DLGAP1: variants seen among roughly 807,000 people sequenced by gnomAD.
DLGAP1 encodes DLG associated protein 1.
In DLGAP1, 11 loss-of-function variants were observed where a neutral mutation model predicts 90.8. The observed-to-expected ratio is 0.12, with a 90% CI of 0.08 to 0.20. DLGAP1 has a LOEUF of 0.20. Among genes scored for constraint, DLGAP1 ranks in the 10% least tolerant of loss-of-function variants. The pLI, the probability that DLGAP1 is intolerant of heterozygous loss-of-function variation, is 1.00. For synonymous variants in DLGAP1, 558 were observed against 540.7 expected (o/e 1.03, Z -0.44); for missense variants, 1,050 against 1,333.8 (o/e 0.79, Z 3.31).
rs2071095645 is a variant in DLGAP1 at position 3,879,593 on chromosome 18, G to A, written c.476C>T (p.Ser159Phe). 6.2e-7 allele frequency: 1 copy of A among 1,601,336 alleles called. No homozygotes were observed. Among genetic ancestry groups the A allele is most frequent in the Non-Finnish European group, 8.5e-7 (1 of 1,177,888 alleles). Reference protein sequence around the residue: ...FTKSHSLEGPSKGSVNGGKAS... With the variant: ...FTKSHSLEGPFKGSVNGGKAS... ...CTTGCCCCCGTTGACGCTGCCCTTG[G>A]ACGGCCCCTCCAGGGAGTGCGACTT... is the stretch of plus-strand genomic sequence containing the variant. The change falls in exon 4 of 13, where the codon TCC becomes TTC. Residue 159 changes from serine (S) to phenylalanine (F), a missense_variant. Transcript: ENST00000315677. The surrounding 1 kb of genome is among the most constrained non-coding windows in gnomAD (Gnocchi z 6.6).
chr18:4,325,634 C>G (rs2080800962), intron 1 of DLGAP1, among the ~76,000 whole-genome samples: 1 of 152,040 alleles, frequency 6.6e-6, no homozygotes, highest in African/African-American at 2.4e-5. Flanking sequence ...GCTAGAGTAA[C>G]CAAAACAGCA....
At chr18:3,742,212 C>A in intron 6 of DLGAP1, 123 bp downstream of exon 6, 1 of 1,233,092 alleles carries the variant, frequency 8.1e-7, no homozygotes. Flanking sequence ...GACTGGACCT[C>A]CTGTCTGATC....
At chr18:4,284,653 T>C (rs1217723434) in intron 1 of DLGAP1, among the ~76,000 whole-genome samples, 1 of 152,180 alleles carries the variant, frequency 6.6e-6, no homozygotes, top group East Asian at 1.9e-4. Context: ...ATCAGCTAGT[T>C]TGCTCGGCTT....
At chr18:3,558,904 A>G (rs1267791896) in intron 9 of DLGAP1, among the ~76,000 whole-genome samples, 1 of 152,194 alleles carries the variant, frequency 6.6e-6, no homozygotes, top group African/African-American at 2.4e-5. Flanking sequence ...TGCTGGTGGC[A>G]CCTGCAGCTA....
intron 7 of DLGAP1, among the ~76,000 whole-genome samples, chr18:3,601,037 G>T (rs1282557628): frequency 6.9e-6 from 1 of 145,604 alleles, no homozygotes; most frequent in Non-Finnish European, 1.5e-5. Flanking sequence ...TAGATATAGA[G>T]ATAAAGATAT....
chr18:4,288,967 T>C (rs932807412), intron 1 of DLGAP1, among the ~76,000 whole-genome samples: 1 of 152,170 alleles, frequency 6.6e-6, no homozygotes, highest in Non-Finnish European at 1.5e-5. Flanking sequence ...TGTTCTGTCA[T>C]GTGGCGCCCA....
At chr18:4,090,914 A>G (rs1266531651) in intron 2 of DLGAP1, among the ~76,000 whole-genome samples, 2 of 152,242 alleles carry the variant, frequency 1.3e-5, no homozygotes, top group African/African-American at 4.8e-5. Context: ...ATGCAGCCAT[A>G]AAAAAGAATG....
intron 2 of DLGAP1, among the ~76,000 whole-genome samples, chr18:4,026,968 C>G (rs1363616370): frequency 6.6e-6 from 1 of 152,036 alleles, no homozygotes; most frequent in East Asian, 1.9e-4. Context: ...CCTCACTATG[C>G]AGAAGTAGAG....
chr18:3,994,365 C>G (rs1005775654), intron 3 of DLGAP1, among the ~76,000 whole-genome samples: 1 of 152,222 alleles, frequency 6.6e-6, no homozygotes, highest in Non-Finnish European at 1.5e-5. Flanking sequence ...GGGCTTCCCA[C>G]TGTGCTTGTC....
intron 1 of DLGAP1, among the ~76,000 whole-genome samples, chr18:4,428,124 TC>T (rs993946182): frequency 6.6e-5 from 10 of 152,098 alleles, no homozygotes; most frequent in African/African-American, 1.2e-4. Context: ...TAAATCTGGG[TC>T]CCCCCCTCAA....
chr18:4,280,700 G>A (rs2079528695), intron 1 of DLGAP1: 1 of 152,160 alleles, frequency 6.6e-6, no homozygotes, highest in Non-Finnish European at 1.5e-5. Context: ...ACCATTTGCA[G>A]TGATGATTTC....
chr18:3,981,457 G>A (rs2073727421), intron 3 of DLGAP1, among the ~76,000 whole-genome samples: 2 of 152,248 alleles, frequency 1.3e-5, no homozygotes, highest in African/African-American at 2.4e-5. Flanking sequence ...TAGGAGGCAG[G>A]GCTGTGAGGT....
chr18:3,609,461 C>T (rs776176239), intron 7 of DLGAP1, among the ~76,000 whole-genome samples: 8 of 152,170 alleles, frequency 5.3e-5, no homozygotes, highest in Non-Finnish European at 5.9e-5. Flanking sequence ...ATGAACCTAG[C>T]GATGGGTGTG....
At chr18:4,379,913 C>T (rs2082082635) in intron 1 of DLGAP1, among the ~76,000 whole-genome samples, 1 of 152,046 alleles carries the variant, frequency 6.6e-6, no homozygotes, top group South Asian at 2.1e-4. Flanking sequence ...AAATTTAAGC[C>T]AATTTTGAAA....
chr18:3,515,088 C>A (rs2050751698), intron 10 of DLGAP1, among the ~76,000 whole-genome samples: 1 of 152,142 alleles, frequency 6.6e-6, no homozygotes, highest in Non-Finnish European at 1.5e-5. Context: ...TTTGCCACAT[C>A]AATTGACTTT....
chr18:4,002,579 A>T (rs1350982483), intron 3 of DLGAP1, among the ~76,000 whole-genome samples: 1 of 152,216 alleles, frequency 6.6e-6, no homozygotes, highest in African/African-American at 2.4e-5. Flanking sequence ...CTTTATGGTA[A>T]GAATACAATA....
At chr18:4,308,230 T>G (rs2080312344) in intron 1 of DLGAP1, among the ~76,000 whole-genome samples, 1 of 152,218 alleles carries the variant, frequency 6.6e-6, no homozygotes, top group South Asian at 2.1e-4. Context: ...AGCGCAAGTT[T>G]CTACTCACTG....
At chr18:3,955,956 G>A (rs1385856876) in intron 3 of DLGAP1, among the ~76,000 whole-genome samples, 2 of 152,182 alleles carry the variant, frequency 1.3e-5, no homozygotes, top group East Asian at 1.9e-4. Context: ...GGTGAGCTGT[G>A]AGATAATGTT....
At chr18:4,367,497 C>T (rs2081802767) in intron 1 of DLGAP1, among the ~76,000 whole-genome samples, 1 of 151,994 alleles carries the variant, frequency 6.6e-6, no homozygotes, top group South Asian at 2.1e-4. Context: ...AATCAAGTTA[C>T]TCCTTAAAAA....
Sources: gnomAD v4.1 joint callset for allele counts (sites outside exome capture counted in the v4.1 genomes callset) on GRCh38, gnomAD v4.1.1 for gene constraint, Gnocchi (gnomAD v3.1) non-coding constraint, MANE v1.5 for transcripts, NCBI Gene and HGNC (gene_info 2026-07-23, HGNC 2026-07-21) for gene names.